Variants in PAPPA2 observed in about 807,000 individuals in gnomAD.
The protein encoded by PAPPA2 is pappalysin-2.
In PAPPA2, 86 loss-of-function variants were observed where a neutral mutation model predicts 176.4. That is an observed-to-expected ratio of 0.49 (90% CI 0.41 to 0.58). PAPPA2 has a LOEUF of 0.58. Among genes scored for constraint, PAPPA2 ranks in the 20% least tolerant of loss-of-function variants. The pLI, the probability that PAPPA2 is intolerant of heterozygous loss-of-function variation, is 0.00. For synonymous variants in PAPPA2, 809 were observed against 852.2 expected (o/e 0.95, Z 0.88); for missense variants, 2,073 against 2,256.9 (o/e 0.92, Z 1.65).
At chr1:176,587,334 T>G (rs1374266563) in intron 2 of PAPPA2, among the ~76,000 whole-genome samples, 2 of 152,220 alleles carry the variant, frequency 1.3e-5, no homozygotes, top group African/African-American at 4.8e-5. Flanking sequence ...TTGCAATTGT[T>G]TTTGCCATTT....
In PAPPA2 at chr1:176,586,156, T is replaced by G. The variant is rs376045690; in HGVS notation, c.920-8368T>G. On this transcript the variant is annotated intron_variant, in intron 2 of 22. Transcript: ENST00000367662. ...ACCTCTTCCAATTTTATGAAATAGA[T>G]TTATAGAAAAAGGCTTATTTCTTTT... is the stretch of plus-strand genomic sequence containing the variant. 3.9e-5 allele frequency among the ~76,000 whole-genome samples: 6 copies of G among 152,310 alleles called. No homozygotes were observed. The East Asian group carries it at 1.2e-3, about 29-fold the overall frequency.
chr1:176,678,630 A>AT lies in PAPPA2; in HGVS notation c.2137+7528dup, dbSNP rs879898675. ...GTGCTAATATGTTTACATTTCAAAT[A>AT]TTTTTTTTTTTTTCCTGCTGGGAGT... On this transcript the variant is annotated intron_variant, in intron 4 of 22. Transcript: ENST00000367662. 6.3e-3 allele frequency among the ~76,000 whole-genome samples: 922 copies of AT among 145,406 alleles called. 3 individuals carry two copies. The highest frequency in any genetic ancestry group is 9.2e-3 in the African/African-American group (367 of 39,978).
chr1:176,764,838 C>T (rs1264347350), intron 14 of PAPPA2, among the ~76,000 whole-genome samples: 2 of 152,104 alleles, frequency 1.3e-5, no homozygotes, highest in African/African-American at 4.8e-5. Flanking sequence ...CCTCGTGATC[C>T]GCCCGCCTTG....
At chr1:176,623,036 A>G (rs1320847451) in intron 3 of PAPPA2, among the ~76,000 whole-genome samples, 3 of 152,110 alleles carry the variant, frequency 2.0e-5, no homozygotes, top group African/African-American at 7.2e-5. Flanking sequence ...TGCCCTCATG[A>G]CTTAATCACT....
In PAPPA2 at chr1:176,800,056, CT is replaced by C; in HGVS notation, c.5131-3del. 2 of 1,613,976 alleles carry C rather than the reference CT, an allele frequency of 1.2e-6. No homozygotes were observed. ...GTTTTCTGTTTTTCCCGTCTTTCCC[CT>C]TAGAGCATTGTGTGCACTGGCCGGC... On this transcript the variant is annotated splice_region_variant and splice_polypyrimidine_tract_variant and intron_variant, in intron 20 of 22. Coordinates refer to ENST00000367662, the MANE Select transcript of PAPPA2 (RefSeq NM_020318.3).
chr1:176,800,157 C>A (rs1665620711), intron 21 of PAPPA2, 25 bp downstream of exon 21: 6 of 1,611,208 alleles, frequency 3.7e-6, no homozygotes, highest in Non-Finnish European at 3.4e-6. Context: ...CCTTCCCCAA[C>A]TCAGACTAGA....
Position 176,842,814 on chromosome 1 carries a change from C to A in PAPPA2, c.*360C>A. ...CCCCTGCCAACTACTCAGTCCCACCCAACTTGTAAACCAATACCAAAATAC... is the reference window on the plus strand; with the variant it reads ...CCCCTGCCAACTACTCAGTCCCACCAAACTTGTAAACCAATACCAAAATAC... On this transcript the variant is annotated 3_prime_UTR_variant, in exon 23 of 23. Transcript: ENST00000367662. 1.1e-5 allele frequency: 2 copies of A among 186,234 alleles called. No individual in the cohort carries two copies. Among genetic ancestry groups the A allele is most frequent in the Non-Finnish European group, 2.2e-5 (2 of 89,662 alleles). 11.5% of individuals were successfully genotyped at this position (186,234 alleles called of 1,614,324 possible).
At chr1:176,734,332 G>T (rs781205221) in intron 12 of PAPPA2, among the ~76,000 whole-genome samples, 3 of 151,892 alleles carry the variant, frequency 2.0e-5, no homozygotes, top group African/African-American at 4.8e-5. Context: ...CCTAGTTCGG[G>T]TGGGATTATA....
At chr1:176,765,433 G>C (rs746596173) in intron 14 of PAPPA2, among the ~76,000 whole-genome samples, 5 of 152,166 alleles carry the variant, frequency 3.3e-5, no homozygotes, top group Non-Finnish European at 7.3e-5. Context: ...GATCCTCCTG[G>C]AAGAAAGAGC....
intron 4 of PAPPA2, among the ~76,000 whole-genome samples, chr1:176,688,909 G>A (rs1659970178): frequency 6.6e-6 from 1 of 152,188 alleles, no homozygotes; most frequent in Non-Finnish European, 1.5e-5. Flanking sequence ...TATAGTCCTT[G>A]GAATATAATC....
intron 1 of PAPPA2, among the ~76,000 whole-genome samples, chr1:176,472,249 C>T (rs532795414): frequency 4.3e-4 from 66 of 152,244 alleles, no homozygotes; most frequent in Middle Eastern, 3.4e-3. Flanking sequence ...TGTTACCCTC[C>T]AAAGATTAAT....
intron 2 of PAPPA2, among the ~76,000 whole-genome samples, chr1:176,560,028 A>C (rs1651568895): frequency 6.6e-6 from 1 of 152,130 alleles, no homozygotes; most frequent in Non-Finnish European, 1.5e-5. Flanking sequence ...CATTCACAGG[A>C]GAGTAGGCAG....
intron 2 of PAPPA2, among the ~76,000 whole-genome samples, chr1:176,590,316 C>T (rs1379947803): frequency 1.3e-5 from 2 of 152,158 alleles, no homozygotes; most frequent in South Asian, 2.1e-4. Flanking sequence ...TCTTCCCAAA[C>T]CCATGTTCAG....
intron 4 of PAPPA2, among the ~76,000 whole-genome samples, chr1:176,689,555 AAAAC>A (rs376371680): frequency 4.6e-5 from 7 of 152,306 alleles, no homozygotes; most frequent in South Asian, 2.1e-4. Context: ...CAAACACTGA[AAAAC>A]AAACAAACAA....
intron 1 of PAPPA2, among the ~76,000 whole-genome samples, chr1:176,531,667 G>C (rs376124337): frequency 2.0e-5 from 3 of 152,136 alleles, no homozygotes; most frequent in Non-Finnish European, 2.9e-5. Flanking sequence ...ACATGCTGAG[G>C]TCACTGTTGA....
chr1:176,781,365 CTTTTTTTTTTTTTT>C (rs35029858), intron 17 of PAPPA2, among the ~76,000 whole-genome samples: 26 of 46,238 alleles, frequency 5.6e-4, no homozygotes, highest in Admixed American at 7.9e-4. Context: ...TTGTAAGGGG[CTTTTTTTTTTTTTT>C]TTTTTTTTTT....
chr1:176,481,847 G>A (rs900164898), intron 1 of PAPPA2, among the ~76,000 whole-genome samples: 7 of 152,024 alleles, frequency 4.6e-5, no homozygotes, highest in African/African-American at 1.7e-4. Context: ...TGGGACTACA[G>A]GTGTGCACCA....
intron 12 of PAPPA2, among the ~76,000 whole-genome samples, chr1:176,730,826 A>G (rs1662107732): frequency 6.6e-6 from 1 of 151,968 alleles, no homozygotes; most frequent in Admixed American, 6.6e-5. Flanking sequence ...GTATTTTGTA[A>G]TGCTCTTATA....
intron 1 of PAPPA2, among the ~76,000 whole-genome samples, chr1:176,475,122 C>T (rs556762707): frequency 2.4e-4 from 37 of 152,246 alleles, no homozygotes; most frequent in African/African-American, 8.9e-4. Context: ...TGAATTTACA[C>T]AGCAAGCACA....
Sources: allele counts gnomAD v4.1 joint callset (sites outside exome capture counted in the v4.1 genomes callset), GRCh38; gene constraint gnomAD v4.1.1; transcripts MANE v1.5; gene names NCBI Gene and HGNC (gene_info 2026-07-23, HGNC 2026-07-21).